LHFPL6: variants seen among roughly 807,000 people sequenced by gnomAD.
LHFPL6 encodes the protein LHFPL tetraspan subfamily member 6 protein.
A neutral mutation model predicts 20.6 loss-of-function variants in LHFPL6; 9 were observed. The ratio of observed to expected loss-of-function variants is 0.44; its 90% CI spans 0.26 to 0.76. The LOEUF (loss-of-function observed/expected upper bound fraction) is 0.76. LHFPL6 is among the 30% of genes least tolerant of loss of function. LHFPL6 has a pLI of 0.20. For synonymous variants in LHFPL6, 105 were observed against 98.7 expected (o/e 1.06, Z -0.38); for missense variants, 218 against 253.5 (o/e 0.86, Z 0.95).
chr13:39,346,395 A>G (rs1869401670), intron 3 of LHFPL6, among the ~76,000 whole-genome samples: 1 of 152,222 alleles, frequency 6.6e-6, no homozygotes, highest in African/African-American at 2.4e-5. Context: ...TGTATTGATT[A>G]CCATTTTCTC....
At chr13:39,351,880 T>C (rs116547015) in intron 3 of LHFPL6, among the ~76,000 whole-genome samples, 1,807 of 152,372 alleles carry the variant, frequency 0.012, 40 homozygotes, top group African/African-American at 0.041. Context: ...CGTTCCTTTT[T>C]TGTCTATAAA....
chr13:39,540,848 A>G (rs1870774511), intron 2 of LHFPL6, among the ~76,000 whole-genome samples: 1 of 152,212 alleles, frequency 6.6e-6, no homozygotes, highest in African/African-American at 2.4e-5. Context: ...ACAGTTTACC[A>G]AAGAGCAAAA....
chr13:39,492,048 G>A (rs1163260213), intron 2 of LHFPL6, among the ~76,000 whole-genome samples: 2 of 152,184 alleles, frequency 1.3e-5, no homozygotes, highest in Non-Finnish European at 2.9e-5. Flanking sequence ...AGATGGGAAC[G>A]GTTTTCATTC....
chr13:39,571,227 G>A (rs538172118), intron 2 of LHFPL6, among the ~76,000 whole-genome samples: 2 of 152,308 alleles, frequency 1.3e-5, no homozygotes, highest in South Asian at 4.1e-4. Context: ...ACAGTTTAAA[G>A]CCTGAAAGCC....
At chr13:39,389,812 C>G (rs1870658167) in intron 2 of LHFPL6, among the ~76,000 whole-genome samples, 1 of 152,106 alleles carries the variant, frequency 6.6e-6, no homozygotes. Context: ...ATAAAATTAC[C>G]CAAGACAGTG....
intron 2 of LHFPL6, among the ~76,000 whole-genome samples, chr13:39,559,306 A>C (rs1871400271): frequency 6.6e-6 from 1 of 152,192 alleles, no homozygotes; most frequent in Non-Finnish European, 1.5e-5. Flanking sequence ...GCTAGTGTCA[A>C]AGGATGGGAG....
chr13:39,569,470 G>C (rs1871844209), intron 2 of LHFPL6, among the ~76,000 whole-genome samples: 1 of 152,156 alleles, frequency 6.6e-6, no homozygotes, highest in Admixed American at 6.5e-5. Flanking sequence ...ATAATTTTAT[G>C]TTGAGAACCT....
intron 2 of LHFPL6, among the ~76,000 whole-genome samples, chr13:39,484,337 T>C (rs1868638824): frequency 6.6e-6 from 1 of 152,204 alleles, no homozygotes; most frequent in South Asian, 2.1e-4. Context: ...ATAGATGTCA[T>C]GCTTGCCTCA....
At chr13:39,349,802 G>A (rs1469338218) in intron 3 of LHFPL6, among the ~76,000 whole-genome samples, 1 of 152,158 alleles carries the variant, frequency 6.6e-6, no homozygotes, top group Non-Finnish European at 1.5e-5. Flanking sequence ...AATGTGGGGG[G>A]CCAGGGAACA....
intron 2 of LHFPL6, among the ~76,000 whole-genome samples, chr13:39,591,486 T>A (rs1010760762): frequency 6.6e-6 from 1 of 152,244 alleles, no homozygotes; most frequent in Non-Finnish European, 1.5e-5. Flanking sequence ...CCAGTTCTGA[T>A]GTTCTGCAGC....
chr13:39,391,083 T>C (rs1870698021), intron 2 of LHFPL6, among the ~76,000 whole-genome samples: 1 of 152,212 alleles, frequency 6.6e-6, no homozygotes, highest in Admixed American at 6.5e-5. Context: ...TCAGTACTAA[T>C]GAAAATAAGC....
At chr13:39,404,414 A>T (rs1344225423) in intron 2 of LHFPL6, among the ~76,000 whole-genome samples, 5 of 152,082 alleles carry the variant, frequency 3.3e-5, no homozygotes, top group Non-Finnish European at 5.9e-5. Context: ...GTCAATTCTG[A>T]TTCACTCTTC....
intron 2 of LHFPL6, among the ~76,000 whole-genome samples, chr13:39,494,189 A>G (rs1869023013): frequency 6.6e-6 from 1 of 152,226 alleles, no homozygotes; most frequent in African/African-American, 2.4e-5. Context: ...ACCCCTGTGA[A>G]AAGGCAGGAA....
At chr13:39,359,074 A>C (rs1199961941) in intron 3 of LHFPL6, among the ~76,000 whole-genome samples, 1 of 152,134 alleles carries the variant, frequency 6.6e-6, no homozygotes, top group Non-Finnish European at 1.5e-5. Flanking sequence ...AGGCAGGAGA[A>C]TCACTTGAAC....
intron 2 of LHFPL6, among the ~76,000 whole-genome samples, chr13:39,585,230 T>C (rs981659641): frequency 2.6e-5 from 4 of 152,230 alleles, no homozygotes; most frequent in Non-Finnish European, 4.4e-5. Flanking sequence ...GCCTCATACA[T>C]AGTGAGTCTT....
chr13:39,431,344 C>T (rs546955976), intron 2 of LHFPL6, among the ~76,000 whole-genome samples: 12 of 152,102 alleles, frequency 7.9e-5, no homozygotes, highest in Non-Finnish European at 1.5e-4. Context: ...GAACAAACTC[C>T]AGACACACCA....
In LHFPL6 at chr13:39,408,632, T is replaced by C. The variant is rs374701429; in HGVS notation, c.386-30106A>G. Among the ~76,000 whole-genome samples the C allele has an allele frequency of 8.5e-5, 13 of 152,364 alleles. 1 individual carries two copies. The East Asian group carries it at 1.5e-3, about 18-fold the overall frequency. On this transcript the variant is annotated intron_variant, in intron 2 of 3. Transcript: ENST00000379589. ...GTACCAAACAAAAAACAAACACTTA[T>C]TCCTTATTGTTGAACTGCTATGGCT...
chr13:39,487,877 C>A (rs549924283), intron 2 of LHFPL6, among the ~76,000 whole-genome samples: 1 of 152,188 alleles, frequency 6.6e-6, no homozygotes, highest in Admixed American at 6.5e-5. Flanking sequence ...GAAACCCTAT[C>A]TCTGCTAAAA....
intron 3 of LHFPL6, among the ~76,000 whole-genome samples, chr13:39,364,394 C>T (rs1443943477): frequency 6.6e-6 from 1 of 152,170 alleles, no homozygotes. Flanking sequence ...CTCCTAAATT[C>T]CACTGAGTCA....
Sources: allele counts gnomAD v4.1 joint callset (sites outside exome capture counted in the v4.1 genomes callset), GRCh38; gene constraint gnomAD v4.1.1; transcripts MANE v1.5; gene names NCBI Gene and HGNC (gene_info 2026-07-23, HGNC 2026-07-21).